SLF1: variants seen among roughly 807,000 people sequenced by gnomAD.
SLF1 encodes the protein SMC5/6 complex localization factor 1.
Under a neutral mutation model 123.0 loss-of-function variants are expected in SLF1, and 105 were observed. The ratio of observed to expected loss-of-function variants is 0.85; its 90% CI spans 0.73 to 1.00. The LOEUF (loss-of-function observed/expected upper bound fraction) is 1.00. SLF1 is among the 50% of genes least tolerant of loss of function. The probability of loss-of-function intolerance (pLI) is 0.00; values close to 1 mark genes in which losing one functional copy is unlikely to be tolerated. For synonymous variants in SLF1, 434 were observed against 406.6 expected, an observed-to-expected ratio of 1.07 and a Z score of -0.81; for missense variants, 1,239 against 1,223.0, an observed-to-expected ratio of 1.01 and a Z score of -0.20.
Position 94,669,794 on chromosome 5 carries a change from A to G in SLF1, c.1533-357A>G, listed in dbSNP as rs1430254759. ...AAAGAGGAGGATTCTGGCGAGTATT[A>G]TAAATTGAGAGGTTAGCTGGTCATT... On this transcript the variant is annotated intron_variant, in intron 12 of 20. Transcript: ENST00000265140. Among the ~76,000 whole-genome samples the G allele has an allele frequency of 2.0e-5, 3 of 152,070 alleles. No individual in the cohort carries two copies. The East Asian group carries it at 5.8e-4, about 29-fold the overall frequency.
chr5:94,627,985 G>A (rs1233142503), intron 1 of SLF1, among the ~76,000 whole-genome samples: 4 of 151,670 alleles, frequency 2.6e-5, no homozygotes, highest in Non-Finnish European at 5.9e-5. Flanking sequence ...GTGCCGCCAC[G>A]CTGGGCTAAT....
intron 9 of SLF1, among the ~76,000 whole-genome samples, chr5:94,661,262 G>A (rs1258435723): frequency 6.6e-6 from 1 of 152,182 alleles, no homozygotes; most frequent in Non-Finnish European, 1.5e-5. Context: ...TGGTGGGAAT[G>A]TGGATCTGTG....
chr5:94,624,132 C>T (rs1303146692), intron 1 of SLF1, among the ~76,000 whole-genome samples: 1 of 152,186 alleles, frequency 6.6e-6, no homozygotes, highest in Non-Finnish European at 1.5e-5. Context: ...AAATTTGTGA[C>T]TAGAATGTCC....
rs566634587 is a variant in SLF1, at chr5:94,695,109, G to A, written c.2974G>A (p.Ala992Thr). The A allele has an allele frequency of 8.1e-6, 13 of 1,612,366 alleles. 1 individual carries two copies. The African/African-American group carries it at 1.5e-4, about 18-fold the overall frequency. The change falls in exon 21 of 21, where the codon GCT becomes ACT. Residue 992 changes from alanine to threonine, a missense_variant. Coordinates refer to ENST00000265140, the MANE Select transcript of SLF1 (RefSeq NM_032290.4). ...GLTHLNELLM[A>T]CKSHKETTSV... ...AACTCATCTAAATGAACTGCTTATG[G>A]CTTGTAAAAGTCATAAAGAAACCAC...
intron 12 of SLF1, among the ~76,000 whole-genome samples, chr5:94,667,171 A>T (rs895153607): frequency 6.6e-6 from 1 of 152,130 alleles, no homozygotes; most frequent in Admixed American, 6.5e-5. Context: ...TTGAGTACTT[A>T]CGGAGAGCCA....
Position 94,666,040 on chromosome 5 carries a change from T to C in SLF1, c.1532+16T>C, listed in dbSNP as rs753924033. On this transcript the variant is annotated intron_variant, in intron 12 of 20. Transcript: ENST00000265140. Reference sequence around the variant, plus strand: ...TCCTTATCAGGTAAGGAATTTCACATTTGACGATGCTACATTTCATTGAGT... The same window carrying C: ...TCCTTATCAGGTAAGGAATTTCACACTTGACGATGCTACATTTCATTGAGT... The C allele has an allele frequency of 2.3e-5, 35 of 1,533,206 alleles. No individual in the cohort carries two copies. The Admixed American group carries it at 6.9e-4, about 30-fold the overall frequency. 95.0% of individuals were successfully genotyped at this position (1,533,206 alleles called of 1,614,324 possible).
At chr5:94,634,068 CATTG>C (rs747630415) in intron 4 of SLF1, among the ~76,000 whole-genome samples, 44 of 152,042 alleles carry the variant, frequency 2.9e-4, no homozygotes, top group Non-Finnish European at 6.0e-4. Flanking sequence ...TTCTTTGACC[CATTG>C]ATTATTTACA....
intron 5 of SLF1, among the ~76,000 whole-genome samples, chr5:94,644,142 T>C (rs1285823121): frequency 6.6e-6 from 1 of 152,172 alleles, no homozygotes; most frequent in Non-Finnish European, 1.5e-5. Context: ...CTTTCTGTAC[T>C]AACATCATAC....
At chr5:94,628,731 C>T (rs1744888517) in intron 1 of SLF1, 80 bp from the exon 2 acceptor site, 1 of 851,924 alleles carries the variant, frequency 1.2e-6, no homozygotes, top group African/African-American at 1.7e-5. Flanking sequence ...TTTTAGTACT[C>T]ATAGTTAAGA....
intron 4 of SLF1, among the ~76,000 whole-genome samples, chr5:94,637,227 T>C (rs556152255): frequency 2.0e-3 from 301 of 152,284 alleles, no homozygotes; most frequent in Non-Finnish European, 3.0e-3. Context: ...TTTCACTGTT[T>C]AGTGATCACT....
chr5:94,672,923 G>C (rs1750633152), intron 14 of SLF1, among the ~76,000 whole-genome samples: 2 of 152,154 alleles, frequency 1.3e-5, no homozygotes, highest in African/African-American at 4.8e-5. Flanking sequence ...AAAGACCAGA[G>C]TATCTTCCCC....
chr5:94,677,307 T>A (rs1230705952), intron 14 of SLF1, among the ~76,000 whole-genome samples: 1 of 152,166 alleles, frequency 6.6e-6, no homozygotes, highest in Non-Finnish European at 1.5e-5. Flanking sequence ...TCCTGTTACT[T>A]GTCGTCTAGG....
chr5:94,652,447 A>C (rs1483903438), intron 7 of SLF1, among the ~76,000 whole-genome samples: 1 of 152,172 alleles, frequency 6.6e-6, no homozygotes. Context: ...GATATGGTTT[A>C]GCTTTGTCTA....
chr5:94,629,045 G>A, intron 2 of SLF1, 47 bp from the exon 3 acceptor site: 4 of 1,471,388 alleles, frequency 2.7e-6, no homozygotes, highest in Non-Finnish European at 3.7e-6. Context: ...TGTCATAAAG[G>A]GAGTCTTACT....
In SLF1 at chr5:94,666,000, G is replaced by C; in HGVS notation, c.1508G>C (p.Trp503Ser). Residue 503 changes from tryptophan to serine, a missense_variant, in exon 12 of 21, where the codon TGG becomes TCG. Trp to Ser is a radical substitution (Grantham distance 177). Transcript: ENST00000265140. Reference protein sequence around the residue: ...FQCPTCMKGAWSLVEVLIRSC... With the variant: ...FQCPTCMKGASSLVEVLIRSC... ...TGTCCAACTTGTATGAAAGGAGCAT[G>C]GTCTTTAGTAGAAGTCCTTATCAGG... The C allele has an allele frequency of 6.4e-7, 1 of 1,550,600 alleles. No individual in the cohort carries two copies. Among genetic ancestry groups the C allele is most frequent in the Non-Finnish European group, 8.7e-7 (1 of 1,146,716 alleles).
intron 4 of SLF1, among the ~76,000 whole-genome samples, chr5:94,631,892 T>C (rs1745234816): frequency 6.6e-6 from 1 of 151,910 alleles, no homozygotes; most frequent in Non-Finnish European, 1.5e-5. Flanking sequence ...AGGCAGGAGG[T>C]GATTACTTGA....
intron 7 of SLF1, among the ~76,000 whole-genome samples, chr5:94,652,275 C>T: frequency 6.6e-6 from 1 of 152,196 alleles, no homozygotes. Context: ...TCCCAAAGTA[C>T]TTGGATTACA....
Position 94,678,995 on chromosome 5 carries a change from G to A in SLF1, c.1975+40G>A, listed in dbSNP as rs977605757. 8.8e-6 allele frequency: 14 copies of A among 1,592,876 alleles called. No homozygotes were observed. In the African/African-American group the frequency reaches 1.2e-4, roughly 14 times the overall value. On this transcript the variant is annotated intron_variant, in intron 15 of 20. Coordinates refer to ENST00000265140, the MANE Select transcript of SLF1 (RefSeq NM_032290.4). ...GTTCTGTTTTTTTCAGACCCATTCT[G>A]GAAATTAGTTTTGAATTTCTTTTAA... is the stretch of plus-strand genomic sequence containing the variant.
chr5:94,684,526 GTC>G (rs1388525637), intron 15 of SLF1, among the ~76,000 whole-genome samples: 2 of 151,708 alleles, frequency 1.3e-5, no homozygotes, highest in Non-Finnish European at 2.9e-5. Flanking sequence ...GTGAAACCCT[GTC>G]TCTACTAAAA....
Sources: gnomAD v4.1 joint callset for allele counts (sites outside exome capture counted in the v4.1 genomes callset) on GRCh38, gnomAD v4.1.1 for gene constraint, MANE v1.5 for transcripts, NCBI Gene and HGNC (gene_info 2026-07-23, HGNC 2026-07-21) for gene names.